Variants in MIPOL1 observed in about 807,000 individuals in gnomAD.
MIPOL1 encodes the protein mirror-image polydactyly gene 1 protein.
A neutral mutation model predicts 60.9 loss-of-function variants in MIPOL1; 57 were observed. That is an observed-to-expected ratio of 0.94 (90% CI 0.76 to 1.17). The LOEUF (loss-of-function observed/expected upper bound fraction) is 1.17, where lower values mean the gene tolerates loss of function less well. Among genes scored for constraint, MIPOL1 ranks in the 50% most tolerant of loss-of-function variants. The pLI, the probability that MIPOL1 is intolerant of heterozygous loss-of-function variation, is 0.00. For missense variants in MIPOL1, 551 were observed against 511.6 expected (o/e 1.08, Z -0.74); for synonymous variants, 179 against 168.8 (o/e 1.06, Z -0.47).
At chr14:37,435,514 A>AT (rs544788013) in intron 11 of MIPOL1, among the ~76,000 whole-genome samples, 36 of 147,214 alleles carry the variant, frequency 2.4e-4, no homozygotes, top group East Asian at 1.4e-3. Flanking sequence ...GTCCTTTAGG[A>AT]TTTTTTTTTT....
intron 6 of MIPOL1, among the ~76,000 whole-genome samples, chr14:37,283,455 T>G (rs1247019335): frequency 6.6e-6 from 1 of 152,198 alleles, no homozygotes; most frequent in African/African-American, 2.4e-5. Flanking sequence ...GCATACAATA[T>G]AGAATGGATT....
At chr14:37,515,480 C>T (rs1337230424) in intron 12 of MIPOL1, among the ~76,000 whole-genome samples, 3 of 152,030 alleles carry the variant, frequency 2.0e-5, no homozygotes, top group African/African-American at 2.4e-5. Flanking sequence ...GTTCTTGGAA[C>T]GTCATCATCT....
intron 10 of MIPOL1, among the ~76,000 whole-genome samples, chr14:37,384,033 C>A (rs1490424124): frequency 6.6e-6 from 1 of 151,832 alleles, no homozygotes; most frequent in African/African-American, 2.4e-5. Context: ...AAATTAACTT[C>A]AATACTGACA....
intron 1 of MIPOL1, among the ~76,000 whole-genome samples, chr14:37,211,776 A>T (rs1237651425): frequency 5.3e-5 from 8 of 151,842 alleles, no homozygotes. Flanking sequence ...CCCCTCACCT[A>T]ACCCCAGGCT....
chr14:37,480,075 C>T lies in MIPOL1; in HGVS notation c.1032-19833C>T, dbSNP rs112397947. Among the ~76,000 whole-genome samples the T allele has an allele frequency of 8.4e-3, 1,285 of 152,178 alleles. 20 individuals are homozygous for T. Among genetic ancestry groups the T allele is most frequent in the African/African-American group, 0.028 (1,178 of 41,512 alleles). Reference sequence around the variant, plus strand: ...AAATTTCATAAAAAGTTGCCCAGGACCTGACAACTTCACTGCTGAATTCAA... The same window carrying T: ...AAATTTCATAAAAAGTTGCCCAGGATCTGACAACTTCACTGCTGAATTCAA... On this transcript the variant is annotated intron_variant, in intron 11 of 12. Transcript: ENST00000684589.
At chr14:37,336,161 A>G (rs2090099249) in intron 9 of MIPOL1, among the ~76,000 whole-genome samples, 1 of 149,536 alleles carries the variant, frequency 6.7e-6, no homozygotes, top group African/African-American at 2.5e-5. Flanking sequence ...CTACTTGTTG[A>G]AAAGACTATC....
chr14:37,364,674 T>A (rs1325622080), intron 9 of MIPOL1, among the ~76,000 whole-genome samples: 3 of 152,206 alleles, frequency 2.0e-5, no homozygotes, highest in Non-Finnish European at 4.4e-5. Flanking sequence ...CCAGTTTTGT[T>A]CTTTTTGCTT....
chr14:37,540,721 AT>A (rs2153640490), intron 12 of MIPOL1, among the ~76,000 whole-genome samples: 1 of 152,240 alleles, frequency 6.6e-6, no homozygotes, highest in South Asian at 2.1e-4. Flanking sequence ...TCTGCACTGA[AT>A]GTGTCACACT....
rs1448638397 is a variant in MIPOL1, at chr14:37,481,606, CA to C, written c.1032-18301del. 1.2e-3 allele frequency among the ~76,000 whole-genome samples: 172 copies of C among 147,168 alleles called. 2 individuals carry two copies. The highest frequency in any genetic ancestry group is 5.9e-4 in the African/African-American group (23 of 38,894). On this transcript the variant is annotated intron_variant, in intron 11 of 12. Coordinates refer to ENST00000684589, the MANE Select transcript of MIPOL1 (RefSeq NM_001388067.1). ...ACACACACACACACACACACACACACACACACCGAAACCACATAGCCAAGGG... is the reference window on the plus strand; with the variant it reads ...ACACACACACACACACACACACACACCACACCGAAACCACATAGCCAAGGG...
In MIPOL1 at chr14:37,404,574, C is replaced by G. The variant is rs1407096139; in HGVS notation, c.937-18281C>G. On this transcript the variant is annotated intron_variant, in intron 10 of 12. Coordinates refer to ENST00000684589, the MANE Select transcript of MIPOL1 (RefSeq NM_001388067.1). Reference sequence around the variant, plus strand: ...TTGTAGCACTTGTCTGATTCCTTCTCCAGAAATTGCATAATGGAAACTACC... The same window carrying G: ...TTGTAGCACTTGTCTGATTCCTTCTGCAGAAATTGCATAATGGAAACTACC... Among the ~76,000 whole-genome samples, 4 of 152,252 alleles carry G rather than the reference C, an allele frequency of 2.6e-5. No individual in the cohort carries two copies. In the East Asian group the frequency reaches 5.8e-4, roughly 22 times the overall value.
intron 11 of MIPOL1, among the ~76,000 whole-genome samples, chr14:37,468,410 A>G (rs2094630918): frequency 6.6e-6 from 1 of 152,142 alleles, no homozygotes; most frequent in Non-Finnish European, 1.5e-5. Context: ...AGTTTTGCTT[A>G]CTTTTCTTTC....
At chr14:37,232,743 A>G (rs1970834809) in intron 1 of MIPOL1, among the ~76,000 whole-genome samples, 1 of 152,182 alleles carries the variant, frequency 6.6e-6, no homozygotes, top group African/African-American at 2.4e-5. Flanking sequence ...TTTCATAAGT[A>G]TCATGTCAGT....
intron 11 of MIPOL1, among the ~76,000 whole-genome samples, chr14:37,437,875 ATTG>A (rs1252350663): frequency 3.3e-5 from 5 of 152,112 alleles, no homozygotes; most frequent in Admixed American, 2.6e-4. Context: ...TTGAGTTTTT[ATTG>A]TTATCATTAG....
Position 37,461,971 on chromosome 14 carries a change from A to C in MIPOL1, c.1032-37937A>C, listed in dbSNP as rs2094544524. Reference sequence around the variant, plus strand: ...GATCTACCATTCTGGGGTCTGGAAGACAGTGGCCCTCTTCTCACAGCTCCA... The same window carrying C: ...GATCTACCATTCTGGGGTCTGGAAGCCAGTGGCCCTCTTCTCACAGCTCCA... On this transcript the variant is annotated intron_variant, in intron 11 of 12. Transcript: ENST00000684589. Among the ~76,000 whole-genome samples, 11 of 152,262 alleles carry C rather than the reference A, an allele frequency of 7.2e-5. No homozygotes were observed. The South Asian group carries it at 2.3e-3, about 32-fold the overall frequency.
chr14:37,299,454 A>T (rs1325627584), intron 7 of MIPOL1, among the ~76,000 whole-genome samples: 4 of 26,166 alleles, frequency 1.5e-4, no homozygotes, highest in Non-Finnish European at 3.9e-4. Flanking sequence ...AAAAAAAATT[A>T]AAAAAATAAA....
chr14:37,282,238 ATATTATTATTATTATTAT>A (rs71124802), intron 6 of MIPOL1, among the ~76,000 whole-genome samples: 2 of 146,396 alleles, frequency 1.4e-5, no homozygotes, highest in African/African-American at 5.0e-5. Context: ...TATTGCAGTA[ATATTATTATTATTATTAT>A]TATTATTATT....
chr14:37,500,344 T>C (rs2153613489), intron 12 of MIPOL1, among the ~76,000 whole-genome samples: 1 of 152,300 alleles, frequency 6.6e-6, no homozygotes, highest in Middle Eastern at 3.4e-3. Context: ...ATTGTTACCC[T>C]GTAGGGCAAA....
chr14:37,248,031 C>CA (rs1973451904), intron 3 of MIPOL1, 124 bp downstream of exon 3: 2 of 819,870 alleles, frequency 2.4e-6, no homozygotes, highest in Admixed American at 2.4e-5. Flanking sequence ...CACACACACA[C>CA]AAAACATGCA....
intron 7 of MIPOL1, among the ~76,000 whole-genome samples, chr14:37,297,536 G>T (rs1390292570): frequency 6.6e-6 from 1 of 152,158 alleles, no homozygotes; most frequent in African/African-American, 2.4e-5. Flanking sequence ...CAGATGACAT[G>T]ATTGTGTATC....
Sources: allele counts gnomAD v4.1 joint callset (sites outside exome capture counted in the v4.1 genomes callset), GRCh38; gene constraint gnomAD v4.1.1; transcripts MANE v1.5; gene names NCBI Gene and HGNC (gene_info 2026-07-23, HGNC 2026-07-21).